Variants in ERV3-1 observed in about 807,000 individuals in gnomAD.
ERV3-1 encodes the protein endogenous retrovirus group 3 member 1 Env polyprotein.
A neutral mutation model predicts 24.6 loss-of-function variants in ERV3-1; 36 were observed. The ratio of observed to expected loss-of-function variants is 1.47; its 90% CI spans 1.12 to 1.94. The LOEUF is 1.94. ERV3-1 is among the 30% of genes most tolerant of loss of function. ERV3-1 has a pLI of 0.00. For synonymous variants in ERV3-1, 211 were observed against 122.6 expected, an observed-to-expected ratio of 1.72 and a Z score of -4.76; for missense variants, 578 against 330.9, an observed-to-expected ratio of 1.75 and a Z score of -5.79.
At chr7:65,003,783 A>G (rs1002086157) in intron 1 of ERV3-1, 1 of 152,196 alleles carries the variant, frequency 6.6e-6, no homozygotes, top group Non-Finnish European at 1.5e-5. Flanking sequence ...CACTTCTAGG[A>G]GATACCAAGT....
chr7:64,998,344 G>T (rs1786449494), intron 1 of ERV3-1, among the ~76,000 whole-genome samples: 1 of 152,160 alleles, frequency 6.6e-6, no homozygotes, highest in African/African-American at 2.4e-5. Flanking sequence ...TTAGCCATGA[G>T]TCAATATAAG....
intron 1 of ERV3-1, among the ~76,000 whole-genome samples, chr7:64,997,004 T>C (rs1291666454): frequency 6.6e-6 from 1 of 152,242 alleles, no homozygotes; most frequent in Admixed American, 6.5e-5. Flanking sequence ...TCCAGTTTTA[T>C]AGTCTCTGTC....
At position 64,992,938 on chromosome 7, in the gene ERV3-1, T is replaced by C. The variant is rs1195804912; in HGVS notation, c.89A>G (p.His30Arg). 3.9e-6 allele frequency: 3 copies of C among 766,404 alleles called. No homozygotes were observed. The highest frequency in any genetic ancestry group is 1.7e-5 in the Admixed American group (1 of 59,034). 47.5% of individuals were successfully genotyped at this position (766,404 alleles called of 1,614,324 possible). The change falls in exon 2 of 2, where the codon CAC (histidine) becomes CGC (arginine). Residue 30 changes from histidine to arginine, a missense_variant. By Grantham distance (29) the His-to-Arg change is conservative. Transcript: ENST00000394323. ...LKGEPWEGCL[H>R]CTHTTWSGNI... ...CCCCGACCACGTAGTGTGGGTGCAG[T>C]GGAGGCATCCCTCCCAGGGTTCTCC...
rs117072562 is a variant in ERV3-1, at chr7:65,000,704, G to T, written c.-389+5837C>A. Among the ~76,000 whole-genome samples the T allele has an allele frequency of 3.2e-3, 483 of 152,304 alleles. 1 individual carries two copies. The highest frequency in any genetic ancestry group is 5.6e-3 in the Non-Finnish European group (382 of 68,034). Reference sequence around the variant, plus strand: ...GGGGGCTGAGGTAGAAGGATTGTTTGCACCAGGGAGATTGAGGCTGCAGTG... The same window carrying T: ...GGGGGCTGAGGTAGAAGGATTGTTTTCACCAGGGAGATTGAGGCTGCAGTG... On this transcript the variant is annotated intron_variant, in intron 1 of 1. Transcript: ENST00000394323.
At chr7:65,003,853 G>A (rs1209133833) in intron 1 of ERV3-1, 1 of 152,024 alleles carries the variant, frequency 6.6e-6, no homozygotes, top group Admixed American at 6.6e-5. Context: ...ACAGAACAGA[G>A]GTATTCCCTG....
In ERV3-1 at chr7:64,991,178, A is replaced by G; in HGVS notation, c.*34T>C. On this transcript the variant is annotated 3_prime_UTR_variant, in exon 2 of 2. Transcript: ENST00000394323. ...ACTAAGGTTTTAAATCCTCCAAGGGATGAGAACCAACCTCTGAAAAGGGAA... is the reference window on the plus strand; with the variant it reads ...ACTAAGGTTTTAAATCCTCCAAGGGGTGAGAACCAACCTCTGAAAAGGGAA... The G allele has an allele frequency of 1.4e-6, 1 of 699,616 alleles. No individual in the cohort carries two copies. The highest frequency in any genetic ancestry group is 2.6e-6 in the Non-Finnish European group (1 of 384,990). The allele number at this position is 699,616 out of a possible 1,614,324, so 43.3% of individuals were successfully genotyped here.
intron 1 of ERV3-1, among the ~76,000 whole-genome samples, chr7:64,997,456 C>T (rs1303280498): frequency 6.6e-6 from 1 of 152,146 alleles, no homozygotes; most frequent in Non-Finnish European, 1.5e-5. Context: ...ATAAAACTGA[C>T]CAGGACTTTA....
chr7:65,001,334 G>C (rs924836096), intron 1 of ERV3-1, among the ~76,000 whole-genome samples: 1 of 152,210 alleles, frequency 6.6e-6, no homozygotes, highest in African/African-American at 2.4e-5. Context: ...CAGAATCCTA[G>C]ATTGGTGGAG....
rs1263400325 is a variant in ERV3-1, at chr7:64,991,733, T to A, written c.1294A>T (p.Lys432Ter). Residue 432 changes from lysine (K) to a stop codon, truncating the protein, a stop_gained, in exon 2 of 2, where the codon AAA becomes TAA. Transcript: ENST00000394323. LOFTEE classifies it high-confidence loss of function. ...GPQAYRQLPA[K>*]WSGACVLGTI... Reference sequence around the variant, plus strand: ...CCCAGTACACAGGCCCCTGACCATTTAGCTGGCAGTTGTCGATATGCTTGT... The same window carrying A: ...CCCAGTACACAGGCCCCTGACCATTAAGCTGGCAGTTGTCGATATGCTTGT... The A allele has an allele frequency of 2.6e-6, 2 of 765,358 alleles. No individual in the cohort carries two copies. Among genetic ancestry groups the A allele is most frequent in the South Asian group, 2.7e-5 (2 of 74,396 alleles). The allele number at this position is 765,358 out of a possible 1,614,324, so 47.4% of individuals were successfully genotyped here.
chr7:64,992,393 A>C lies in ERV3-1; in HGVS notation c.634T>G (p.Trp212Gly). The C allele has an allele frequency of 1.3e-6, 1 of 766,338 alleles. No homozygotes were observed. Among genetic ancestry groups the C allele is most frequent in the South Asian group, 1.3e-5 (1 of 74,620 alleles). 47.5% of individuals were successfully genotyped at this position (766,338 alleles called of 1,614,324 possible). A position where few individuals can be genotyped will look rare whatever the true frequency, so the allele number is the denominator to read the frequency against. Residue 212 changes from tryptophan (W) to glycine (G), a missense_variant, in exon 2 of 2, where the codon TGG becomes GGG. By Grantham distance (184) the Trp-to-Gly change is radical (BLOSUM62 -2). Coordinates refer to ENST00000394323, the MANE Select transcript of ERV3-1 (RefSeq NM_001007253.4). ...AGCGGTGCTTTTAAACCTGTTGTCC[A>C]TATGGGCTGATCTGGCTCTAAGATG... ...LTILEPDQPI[W>G]TTGLKAPLGA...
chr7:65,006,635 G>C lies in ERV3-1; in HGVS notation c.-483C>G. 1 of 1,538,164 alleles carries C rather than the reference G, an allele frequency of 6.5e-7. No homozygotes were observed. Among genetic ancestry groups the C allele is most frequent in the Non-Finnish European group, 9.0e-7 (1 of 1,113,078 alleles). ...CACAGAAGCTGGGCCTCTAGGAGCA[G>C]AAGACACAGAGCAGTGAAGACTACA... On this transcript the variant is annotated 5_prime_UTR_variant, in exon 1 of 2. Transcript: ENST00000394323.
At chr7:65,001,046 G>C (rs565924747) in intron 1 of ERV3-1, among the ~76,000 whole-genome samples, 10 of 152,178 alleles carry the variant, frequency 6.6e-5, no homozygotes, top group African/African-American at 2.4e-4. Flanking sequence ...TAGGGTGGAG[G>C]GTGAAAGGAC....
chr7:64,999,495 C>A (rs1264827092), intron 1 of ERV3-1, among the ~76,000 whole-genome samples: 1 of 152,156 alleles, frequency 6.6e-6, no homozygotes, highest in East Asian at 1.9e-4. Flanking sequence ...AGGGGCGGGT[C>A]AGGTTTTTGG....
chr7:65,001,641 C>T (rs1044128715), intron 1 of ERV3-1, among the ~76,000 whole-genome samples: 1 of 152,114 alleles, frequency 6.6e-6, no homozygotes, highest in East Asian at 1.9e-4. Context: ...CCTCAAATCC[C>T]AGGACAATGG....
chr7:65,001,078 G>C (rs1786510013), intron 1 of ERV3-1, among the ~76,000 whole-genome samples: 1 of 151,870 alleles, frequency 6.6e-6, no homozygotes, highest in African/African-American at 2.4e-5. Flanking sequence ...AAGAATACCT[G>C]TTTGGTGCTA....
At chr7:64,999,820 GC>G (rs1786481352) in intron 1 of ERV3-1, among the ~76,000 whole-genome samples, 1 of 152,184 alleles carries the variant, frequency 6.6e-6, no homozygotes, top group Admixed American at 6.5e-5. Context: ...TGGGGTCCCT[GC>G]CTGGCCTTGC....
rs767263517 is a variant in ERV3-1, at chr7:64,992,880, AGT to A, written c.145_146del (p.Thr49LeufsTer3). The A allele has an allele frequency of 1.3e-6, 1 of 766,430 alleles. No individual in the cohort carries two copies. Among genetic ancestry groups the A allele is most frequent in the Non-Finnish European group, 2.4e-6 (1 of 417,908 alleles). 47.5% of individuals were successfully genotyped at this position (766,430 alleles called of 1,614,324 possible). ...NIMTKTLLYH[T>X]YYECAGTCLG... Reference sequence around the variant, plus strand: ...GGCAGGTCCCAGCACACTCATAATAAGTGTGATACAACAGGGTTTTAGTCATG... The same window carrying A: ...GGCAGGTCCCAGCACACTCATAATAAGTGATACAACAGGGTTTTAGTCATG... On this transcript the variant is annotated frameshift_variant, in exon 2 of 2. Transcript: ENST00000394323. LOFTEE classifies it high-confidence loss of function.
At chr7:64,994,685 AGTT>A (rs1369213139) in intron 1 of ERV3-1, among the ~76,000 whole-genome samples, 1 of 152,196 alleles carries the variant, frequency 6.6e-6, no homozygotes, top group Non-Finnish European at 1.5e-5. Context: ...TGCCTGTGGC[AGTT>A]AAGAGTCCTC....
intron 1 of ERV3-1, among the ~76,000 whole-genome samples, chr7:65,001,910 A>G (rs1408884703): frequency 1.3e-5 from 2 of 152,198 alleles, no homozygotes; most frequent in Non-Finnish European, 2.9e-5. Context: ...CAAACCCTAT[A>G]GGTCCATCTA....
Sources: allele counts gnomAD v4.1 joint callset (sites outside exome capture counted in the v4.1 genomes callset), GRCh38; gene constraint gnomAD v4.1.1; transcripts MANE v1.5; gene names NCBI Gene and HGNC (gene_info 2026-07-23, HGNC 2026-07-21).